Variants in ARID1B observed in about 807,000 individuals in gnomAD.
The protein encoded by ARID1B is AT-rich interactive domain-containing protein 1B.
A neutral mutation model predicts 212.3 loss-of-function variants in ARID1B; 30 were observed. The observed-to-expected ratio is 0.14, with a 90% confidence interval of 0.11 to 0.19. The LOEUF (loss-of-function observed/expected upper bound fraction) is 0.19. Ranked by LOEUF, ARID1B falls within the 10% of genes least tolerant of loss-of-function variation. ARID1B has a pLI of 1.00. For synonymous variants in ARID1B, 1,402 were observed against 1,301.7 expected (o/e 1.08, Z -1.66); for missense variants, 2,891 against 3,204.0 (o/e 0.90, Z 2.36).
At chr6:156,792,093 TGA>T (rs908965752) in intron 1 of ARID1B, among the ~76,000 whole-genome samples, 71 of 152,354 alleles carry the variant, frequency 4.7e-4, no homozygotes, top group Middle Eastern at 3.4e-3. Flanking sequence ...TTTACTCATA[TGA>T]GAGTTATTAG....
intron 4 of ARID1B, among the ~76,000 whole-genome samples, chr6:157,034,348 G>T (rs536845372): frequency 9.6e-4 from 146 of 152,298 alleles, no homozygotes; most frequent in African/African-American, 3.4e-3. Context: ...TATAGGCAAA[G>T]AATTAGTATT....
At chr6:157,118,953 C>G (rs1032093261) in intron 6 of ARID1B, among the ~76,000 whole-genome samples, 2 of 152,130 alleles carry the variant, frequency 1.3e-5, no homozygotes, top group Non-Finnish European at 2.9e-5. Flanking sequence ...GCTCATTATT[C>G]TTCATTGAAA....
At position 157,148,184 on chromosome 6, in the gene ARID1B, C is replaced by G; in HGVS notation, c.2762-440C>G. Reference sequence around the variant, plus strand: ...ATGTGCATGTCGTCTTACACGTTGTCTTTTTGAGCCCTTTCACATGACTGT... The same window carrying G: ...ATGTGCATGTCGTCTTACACGTTGTGTTTTTGAGCCCTTTCACATGACTGT... On this transcript the variant is annotated intron_variant, in intron 7 of 19. Coordinates refer to ENST00000636930, the MANE Select transcript of ARID1B (RefSeq NM_001374828.1). The surrounding 1 kb of genome is among the most constrained non-coding windows in gnomAD (Gnocchi z 5.6). Among the ~76,000 whole-genome samples the G allele has an allele frequency of 6.6e-6, 1 of 152,180 alleles. No individual in the cohort carries two copies. The highest frequency in any genetic ancestry group is 1.5e-5 in the Non-Finnish European group (1 of 68,010).
chr6:157,037,846 G>A (rs565646654), intron 4 of ARID1B, among the ~76,000 whole-genome samples: 14 of 152,282 alleles, frequency 9.2e-5, no homozygotes, highest in Admixed American at 5.2e-4. Context: ...ACTGGCAACC[G>A]CAGTGTGCAG....
At chr6:157,156,765 A>AG (rs1790602218) in intron 8 of ARID1B, among the ~76,000 whole-genome samples, 2 of 152,014 alleles carry the variant, frequency 1.3e-5, no homozygotes, top group African/African-American at 2.4e-5. Context: ...CTCAGGTCTG[A>AG]GGGGGGCCTC....
chr6:157,033,729 A>T (rs139759037), intron 4 of ARID1B, among the ~76,000 whole-genome samples: 118 of 152,340 alleles, frequency 7.7e-4, no homozygotes, highest in African/African-American at 2.8e-3. Context: ...AACTTTACAG[A>T]CTGAACTTTC....
At chr6:156,916,957 T>C (rs908441099) in intron 3 of ARID1B, among the ~76,000 whole-genome samples, 1 of 152,218 alleles carries the variant, frequency 6.6e-6, no homozygotes, top group South Asian at 2.1e-4. Context: ...GGGGGCTGTC[T>C]GTCAGTACCC....
intron 8 of ARID1B, among the ~76,000 whole-genome samples, chr6:157,163,063 A>C (rs1791049770): frequency 6.6e-6 from 1 of 152,142 alleles, no homozygotes; most frequent in African/African-American, 2.4e-5. Context: ...GCTCGTTTCA[A>C]TTCATGTTTT....
chr6:157,039,871 T>C (rs1249463515), intron 4 of ARID1B, among the ~76,000 whole-genome samples: 4 of 81,720 alleles, frequency 4.9e-5, no homozygotes, highest in Non-Finnish European at 5.3e-5. Flanking sequence ...TCTCTCTTTC[T>C]CTTTCTTTTC....
At position 156,778,924 on chromosome 6, in the gene ARID1B, GAGGAGC is replaced by G; in HGVS notation, c.1251_1256del (p.Gly420_Ala421del). On this transcript the variant is annotated inframe_deletion, in exon 1 of 20. Transcript: ENST00000636930. ...GGAGGAGGAGGAGGAGCAGGAGCAG[GAGGAGC>G]AGGAGCGGGAGCTGTGGCGGCGGCG... is the stretch of plus-strand genomic sequence containing the variant. 4.5e-6 allele frequency: 6 copies of G among 1,322,116 alleles called. No homozygotes were observed. The highest frequency in any genetic ancestry group is 4.1e-5 in the Admixed American group (1 of 24,424). 81.9% of individuals were successfully genotyped at this position (1,322,116 alleles called of 1,614,324 possible). A position where few individuals can be genotyped will look rare whatever the true frequency, so the allele number is the denominator to read the frequency against.
At chr6:156,792,583 T>G (rs150687011) in intron 1 of ARID1B, among the ~76,000 whole-genome samples, 8 of 152,328 alleles carry the variant, frequency 5.3e-5, no homozygotes, top group African/African-American at 1.9e-4. Flanking sequence ...TCATGGTGCT[T>G]GAGTAGGCTG....
chr6:156,967,588 A>G (rs1794856056), intron 4 of ARID1B, among the ~76,000 whole-genome samples: 1 of 152,338 alleles, frequency 6.6e-6, no homozygotes, highest in African/African-American at 2.4e-5. Flanking sequence ...TGCTTTTAAG[A>G]CAGAAGAATA....
chr6:156,788,542 A>C (rs1435666230), intron 1 of ARID1B, among the ~76,000 whole-genome samples: 1 of 152,220 alleles, frequency 6.6e-6, no homozygotes, highest in African/African-American at 2.4e-5. Context: ...TAGGAGAATT[A>C]CTTTTTGCAA....
chr6:157,108,295 A>G (rs1303879454), intron 5 of ARID1B, among the ~76,000 whole-genome samples: 1 of 152,198 alleles, frequency 6.6e-6, no homozygotes, highest in African/African-American at 2.4e-5. Context: ...CATGGGATGC[A>G]TTACTTACAG....
At chr6:156,884,322 A>ATTTTTT (rs36056383) in intron 2 of ARID1B, among the ~76,000 whole-genome samples, 1 of 148,298 alleles carries the variant, frequency 6.7e-6, no homozygotes, top group Non-Finnish European at 1.5e-5. Flanking sequence ...TAATTTAAGA[A>ATTTTTT]TTTTTTTTTT....
chr6:156,813,068 A>G (rs1389778413), intron 1 of ARID1B, among the ~76,000 whole-genome samples: 1 of 144,444 alleles, frequency 6.9e-6, no homozygotes, highest in African/African-American at 2.6e-5. Context: ...ATACATATAT[A>G]TATACACACA....
At chr6:156,850,467 T>C (rs1784511049) in intron 2 of ARID1B, among the ~76,000 whole-genome samples, 1 of 152,220 alleles carries the variant, frequency 6.6e-6, no homozygotes, top group Non-Finnish European at 1.5e-5. Context: ...TATGCCACTT[T>C]TAAGACATAA....
intron 4 of ARID1B, among the ~76,000 whole-genome samples, chr6:157,040,128 C>T (rs374507325): frequency 6.6e-5 from 10 of 151,936 alleles, no homozygotes; most frequent in South Asian, 2.1e-4. Flanking sequence ...TTAGTAGAGA[C>T]GGGGTTTCAC....
At chr6:156,934,908 TTAATTATATATATATATA>T (rs1792037374) in intron 3 of ARID1B, among the ~76,000 whole-genome samples, 1 of 97,412 alleles carries the variant, frequency 1.0e-5, no homozygotes, top group African/African-American at 4.0e-5. Context: ...AATTTAGTTG[TTAATTATATATATATATA>T]TATATATATA....
Sources: allele counts gnomAD v4.1 joint callset (sites outside exome capture counted in the v4.1 genomes callset), GRCh38; gene constraint gnomAD v4.1.1; non-coding constraint Gnocchi (gnomAD v3.1); transcripts MANE v1.5; gene names NCBI Gene and HGNC (gene_info 2026-07-23, HGNC 2026-07-21).